The following EIF4E variants were observed in gnomAD, a reference collection of about 807,000 sequenced individuals.
EIF4E encodes the protein eIF-4F 25 kDa subunit.
For synonymous variants in EIF4E, 71 were observed against 88.5 expected, an observed-to-expected ratio of 0.80 and a Z score of 1.11; for missense variants, 113 against 265.6, an observed-to-expected ratio of 0.43 and a Z score of 3.99.
intron 2 of EIF4E, among the ~76,000 whole-genome samples, chr4:98,894,547 A>G (rs1724285177): frequency 6.6e-6 from 1 of 152,188 alleles, no homozygotes; most frequent in Non-Finnish European, 1.5e-5. Flanking sequence ...GCCAGCTTTC[A>G]ACTTTTATTC....
intron 2 of EIF4E, among the ~76,000 whole-genome samples, chr4:98,892,980 T>C (rs1296874841): frequency 6.6e-6 from 1 of 152,190 alleles, no homozygotes; most frequent in Non-Finnish European, 1.5e-5. Context: ...GAGGCATACC[T>C]TGGATATATT....
At chr4:98,914,686 T>A (rs2110214181) in intron 1 of EIF4E, among the ~76,000 whole-genome samples, 1 of 152,100 alleles carries the variant, frequency 6.6e-6, no homozygotes, top group Non-Finnish European at 1.5e-5. Flanking sequence ...TTCTGCACGA[T>A]ATTATAACCG....
intron 1 of EIF4E, among the ~76,000 whole-genome samples, chr4:98,910,541 T>A (rs1023891304): frequency 6.6e-6 from 1 of 152,160 alleles, no homozygotes; most frequent in Non-Finnish European, 1.5e-5. Context: ...ACCTAAATAC[T>A]TGATCAAAAT....
intron 2 of EIF4E, among the ~76,000 whole-genome samples, chr4:98,897,262 T>A (rs572578680): frequency 6.5e-5 from 9 of 138,378 alleles, no homozygotes; most frequent in Middle Eastern, 3.4e-3. Context: ...GTACTAATAA[T>A]GTGAGTTTCA....
intron 1 of EIF4E, among the ~76,000 whole-genome samples, chr4:98,904,360 T>A (rs1214350725): frequency 6.6e-6 from 1 of 152,142 alleles, no homozygotes; most frequent in Non-Finnish European, 1.5e-5. Context: ...ATACAGGAAT[T>A]AAAAGCAAGT....
intron 2 of EIF4E, among the ~76,000 whole-genome samples, chr4:98,899,189 GA>G (rs1332786372): frequency 6.6e-6 from 1 of 151,672 alleles, no homozygotes; most frequent in Non-Finnish European, 1.5e-5. Flanking sequence ...AAAATGCTTG[GA>G]AATAAACTTG....
intron 1 of EIF4E, among the ~76,000 whole-genome samples, chr4:98,920,225 T>C (rs1033343150): frequency 1.3e-5 from 2 of 152,228 alleles, no homozygotes; most frequent in African/African-American, 4.8e-5. Context: ...GCTAATTCAA[T>C]CCTTGTTGTA....
chr4:98,909,806 T>G lies in EIF4E; in HGVS notation c.19-7824A>C, dbSNP rs939704260. 10 of 702,184 alleles carry G rather than the reference T, an allele frequency of 1.4e-5. No individual in the cohort carries two copies. In the Admixed American group the frequency reaches 1.8e-4, roughly 13 times the overall value. The allele number at this position is 702,184 out of a possible 1,614,324, so 43.5% of individuals were successfully genotyped here. A position where few individuals can be genotyped will look rare whatever the true frequency, so the allele number is the denominator to read the frequency against. ...CATCACTTTTTCTCGACCAACTGCT[T>G]CACCACAGGAGTCTTAATTTGTCTC... is the stretch of plus-strand genomic sequence containing the variant. On this transcript the variant is annotated intron_variant, in intron 1 of 6. Transcript: ENST00000450253.
chr4:98,903,472 A>G (rs1215818274), intron 1 of EIF4E: 3 of 455,768 alleles, frequency 6.6e-6, no homozygotes, highest in Non-Finnish European at 1.3e-5. Flanking sequence ...TTCCACGGTA[A>G]CTGGGACTAC....
chr4:98,918,149 G>A (rs992406909), intron 1 of EIF4E, among the ~76,000 whole-genome samples: 1 of 151,774 alleles, frequency 6.6e-6, no homozygotes, highest in Non-Finnish European at 1.5e-5. Context: ...GATTACCTAA[G>A]ATCAGGAGTT....
At chr4:98,910,122 A>G (rs1440619367) in intron 1 of EIF4E, among the ~76,000 whole-genome samples, 1 of 152,236 alleles carries the variant, frequency 6.6e-6, no homozygotes, top group Non-Finnish European at 1.5e-5. Context: ...TATTTACAGT[A>G]AAGGAATACC....
At chr4:98,922,919 C>T (rs1205039718) in intron 1 of EIF4E, among the ~76,000 whole-genome samples, 2 of 149,282 alleles carry the variant, frequency 1.3e-5, no homozygotes, top group Admixed American at 6.7e-5. Context: ...CAGACATAGG[C>T]TCACCGCAAC....
At chr4:98,911,596 G>A (rs889319431) in intron 1 of EIF4E, among the ~76,000 whole-genome samples, 2 of 142,594 alleles carry the variant, frequency 1.4e-5, no homozygotes, top group South Asian at 2.2e-4. Flanking sequence ...GGGAGGCAGA[G>A]GTTGCAGTGA....
chr4:98,911,368 A>C (rs1725122486), intron 1 of EIF4E, among the ~76,000 whole-genome samples: 1 of 141,726 alleles, frequency 7.1e-6, no homozygotes, highest in African/African-American at 2.5e-5. Flanking sequence ...TACTAGAAAG[A>C]GTTGTAGGAG....
chr4:98,899,771 T>C (rs1394338959), intron 2 of EIF4E, among the ~76,000 whole-genome samples: 1 of 152,154 alleles, frequency 6.6e-6, no homozygotes, highest in Non-Finnish European at 1.5e-5. Context: ...TATTAAAAAG[T>C]ATACATATGT....
chr4:98,927,010 A>G (rs1010024964), intron 1 of EIF4E, among the ~76,000 whole-genome samples: 9 of 152,200 alleles, frequency 5.9e-5, no homozygotes, highest in African/African-American at 2.2e-4. Context: ...TGCCCCTATT[A>G]CCAGATGTAA....
chr4:98,880,543 A>G lies in EIF4E; in HGVS notation c.*485T>C, dbSNP rs1172701769. ...TTAAAATCTAGCAGCCATCAGCAAGAGTACAGCAAAGACAATGCTGTAAAA... is the reference window on the plus strand; with the variant it reads ...TTAAAATCTAGCAGCCATCAGCAAGGGTACAGCAAAGACAATGCTGTAAAA... On this transcript the variant is annotated 3_prime_UTR_variant, in exon 7 of 7. Transcript: ENST00000450253. 1 of 106,358 alleles carries G rather than the reference A, an allele frequency of 9.4e-6. No homozygotes were observed. The highest frequency in any genetic ancestry group is 1.9e-5 in the Non-Finnish European group (1 of 53,670). 6.6% of individuals were successfully genotyped at this position (106,358 alleles called of 1,614,324 possible). A position where few individuals can be genotyped will look rare whatever the true frequency, so the allele number is the denominator to read the frequency against.
intron 2 of EIF4E, among the ~76,000 whole-genome samples, chr4:98,893,452 A>G (rs905555318): frequency 6.6e-6 from 1 of 152,254 alleles, no homozygotes; most frequent in Non-Finnish European, 1.5e-5. Flanking sequence ...CAAACCCTGC[A>G]GTTGCTTTAT....
intron 2 of EIF4E, among the ~76,000 whole-genome samples, chr4:98,897,896 A>C (rs1724476087): frequency 6.6e-6 from 1 of 152,228 alleles, no homozygotes; most frequent in Admixed American, 6.5e-5. Flanking sequence ...ACATTGGAAG[A>C]TCTGCATAAC....
Sources: allele counts gnomAD v4.1 joint callset (sites outside exome capture counted in the v4.1 genomes callset), GRCh38; gene constraint gnomAD v4.1.1; transcripts MANE v1.5; gene names NCBI Gene and HGNC (gene_info 2026-07-23, HGNC 2026-07-21).